Variants in DIAPH3 observed in about 807,000 individuals in gnomAD.
The protein encoded by DIAPH3 is diaphanous related formin 3.
A neutral mutation model predicts 144.3 loss-of-function variants in DIAPH3; 117 were observed. The observed-to-expected ratio is 0.81, with a 90% CI of 0.70 to 0.95. DIAPH3 has a LOEUF of 0.95. Ranked by LOEUF, DIAPH3 falls within the 40% of genes least tolerant of loss-of-function variation. DIAPH3 has a pLI of 0.00. For synonymous variants in DIAPH3, 519 were observed against 488.9 expected, an observed-to-expected ratio of 1.06 and a Z score of -0.81; for missense variants, 1,421 against 1,412.7, an observed-to-expected ratio of 1.01 and a Z score of -0.09.
At chr13:59,882,248 C>T (rs1377867273) in intron 20 of DIAPH3, among the ~76,000 whole-genome samples, 1 of 152,002 alleles carries the variant, frequency 6.6e-6, no homozygotes, top group Admixed American at 6.6e-5. Context: ...GCCACCACGC[C>T]CGGCTAATTT....
intron 1 of DIAPH3, among the ~76,000 whole-genome samples, chr13:60,160,127 G>A (rs1031725003): frequency 2.0e-5 from 3 of 152,186 alleles, no homozygotes; most frequent in Non-Finnish European, 4.4e-5. Context: ...GGGAGGCTGA[G>A]GCAGGAGAAT....
At position 59,833,038 on chromosome 13, in the gene DIAPH3, A is replaced by G. The variant is rs776786984; in HGVS notation, c.3027+69T>C. The G allele has an allele frequency of 8.7e-6, 10 of 1,146,610 alleles. No homozygotes were observed. The Admixed American group carries it at 1.9e-4, about 22-fold the overall frequency. 71.0% of individuals were successfully genotyped at this position (1,146,610 alleles called of 1,614,324 possible). A position where few individuals can be genotyped will look rare whatever the true frequency, so the allele number is the denominator to read the frequency against. ...TTCCTACAGCAACAAGAGTAGAACG[A>G]TGTAATGAGATAATAGATAAGATAG... On this transcript the variant is annotated intron_variant, in intron 24 of 27. Transcript: ENST00000400324.
chr13:59,733,992 T>C lies in DIAPH3; in HGVS notation c.3319+40197A>G, dbSNP rs528172463. Among the ~76,000 whole-genome samples the C allele has an allele frequency of 3.4e-4, 52 of 152,358 alleles. 1 individual carries two copies. Among genetic ancestry groups the C allele is most frequent in the African/African-American group, 1.2e-3 (51 of 41,590 alleles). On this transcript the variant is annotated intron_variant, in intron 27 of 27. Coordinates refer to ENST00000400324, the MANE Select transcript of DIAPH3 (RefSeq NM_001042517.2). ...ACGCATTCCCAGTATGCATGCCCAA[T>C]TGGCTAATACATACATGCCTTCAGA...
At chr13:59,974,228 T>C (rs2050544539) in intron 15 of DIAPH3, 124 bp downstream of exon 15, 1 of 778,340 alleles carries the variant, frequency 1.3e-6, no homozygotes, top group Non-Finnish European at 2.1e-6. Flanking sequence ...ACAGTACAAA[T>C]AATGCTATAA....
chr13:60,001,138 G>C (rs1473228628), intron 9 of DIAPH3, among the ~76,000 whole-genome samples: 1 of 152,172 alleles, frequency 6.6e-6, no homozygotes, highest in African/African-American at 2.4e-5. Flanking sequence ...CCAGAGCAAA[G>C]AGCAGGCTCA....
At chr13:59,850,162 T>C (rs1453319342) in intron 22 of DIAPH3, among the ~76,000 whole-genome samples, 2 of 152,204 alleles carry the variant, frequency 1.3e-5, no homozygotes, top group South Asian at 2.1e-4. Flanking sequence ...TTTTTGTACA[T>C]TGATTTTGTA....
chr13:59,743,385 T>C (rs2036558750), intron 27 of DIAPH3, among the ~76,000 whole-genome samples: 1 of 152,062 alleles, frequency 6.6e-6, no homozygotes, highest in Non-Finnish European at 1.5e-5. Context: ...GTAGTAGTGG[T>C]CGTGAGTAAG....
At chr13:59,761,412 G>A (rs1047117923) in intron 27 of DIAPH3, among the ~76,000 whole-genome samples, 1 of 151,916 alleles carries the variant, frequency 6.6e-6, no homozygotes, top group Non-Finnish European at 1.5e-5. Context: ...CTACCAGAAG[G>A]GTACCTTTGC....
intron 1 of DIAPH3, among the ~76,000 whole-genome samples, chr13:60,151,456 CAT>C (rs1951777856): frequency 1.3e-5 from 2 of 152,156 alleles, no homozygotes; most frequent in African/African-American, 2.4e-5. Flanking sequence ...CAATAACCCA[CAT>C]ATGTTTCTGG....
chr13:59,982,342 A>G (rs1594213226), intron 13 of DIAPH3, among the ~76,000 whole-genome samples: 1 of 151,428 alleles, frequency 6.6e-6, no homozygotes, highest in East Asian at 1.9e-4. Flanking sequence ...TTCAGATACT[A>G]TTCAAAATCA....
intron 27 of DIAPH3, among the ~76,000 whole-genome samples, chr13:59,740,457 T>A (rs1425313791): frequency 6.6e-6 from 1 of 152,222 alleles, no homozygotes; most frequent in Non-Finnish European, 1.5e-5. Context: ...AAGTGATGTC[T>A]GAGAATATTA....
Position 59,810,877 on chromosome 13 carries a change from TC to T in DIAPH3, c.3073del (p.Glu1025LysfsTer6). Reference protein sequence around the residue: ...NIKKREAEEKEKRVRIAKELA... With the variant: ...NIKKREAEEKXKRVRIAKELA... The stretch of plus-strand genomic sequence containing the variant: ...TTCTTTAGCTATTCTGACACGTTTT[TC>T]TTTTTCCTCTGCTTCTCTTTTTTTG... On this transcript the variant is annotated frameshift_variant, in exon 25 of 28. Transcript: ENST00000400324. LOFTEE classifies it high-confidence loss of function. 3.1e-6 allele frequency: 5 copies of T among 1,612,452 alleles called. No homozygotes were observed. Among genetic ancestry groups the T allele is most frequent in the Non-Finnish European group, 3.4e-6 (4 of 1,179,670 alleles).
chr13:59,983,961 T>A, intron 12 of DIAPH3, 74 bp from the exon 13 acceptor site: 1 of 937,344 alleles, frequency 1.1e-6, no homozygotes, highest in Non-Finnish European at 1.7e-6. Flanking sequence ...ACTTTTTGGC[T>A]AAGATTGATT....
intron 4 of DIAPH3, among the ~76,000 whole-genome samples, chr13:60,061,777 C>T (rs2056783742): frequency 1.3e-5 from 2 of 152,200 alleles, no homozygotes; most frequent in South Asian, 4.1e-4. Context: ...CAATTTTCTA[C>T]TATCTAAAAA....
At chr13:60,119,339 C>A (rs2058775952) in intron 2 of DIAPH3, among the ~76,000 whole-genome samples, 1 of 152,160 alleles carries the variant, frequency 6.6e-6, no homozygotes, top group Admixed American at 6.5e-5. Flanking sequence ...CTGGTCAAGC[C>A]TTCACATGAC....
At chr13:59,725,564 G>A (rs2035567204) in intron 27 of DIAPH3, among the ~76,000 whole-genome samples, 1 of 152,042 alleles carries the variant, frequency 6.6e-6, no homozygotes, top group Non-Finnish European at 1.5e-5. Context: ...TTCGTCCAAG[G>A]CACTTCTGAA....
chr13:60,124,131 T>C (rs1267928251), intron 2 of DIAPH3, among the ~76,000 whole-genome samples: 3 of 152,006 alleles, frequency 2.0e-5, no homozygotes, highest in African/African-American at 7.3e-5. Flanking sequence ...TGTACTAGAG[T>C]TGTCTGGTAA....
At chr13:60,020,872 G>C (rs529163134) in intron 5 of DIAPH3, 46 of 152,298 alleles carry the variant, frequency 3.0e-4, no homozygotes, top group African/African-American at 8.9e-4. Context: ...ACCTCTCTTG[G>C]GAACTTCAAA....
intron 14 of DIAPH3, among the ~76,000 whole-genome samples, chr13:59,980,333 C>T (rs1430031050): frequency 1.3e-5 from 2 of 151,470 alleles, no homozygotes; most frequent in African/African-American, 4.8e-5. Flanking sequence ...TTCTTAAGGG[C>T]TTAATATCAT....
Sources: allele counts gnomAD v4.1 joint callset (sites outside exome capture counted in the v4.1 genomes callset), GRCh38; gene constraint gnomAD v4.1.1; transcripts MANE v1.5; gene names NCBI Gene and HGNC (gene_info 2026-07-23, HGNC 2026-07-21).